Variants in ACYP2 observed in about 807,000 individuals in gnomAD.
ACYP2 encodes the protein acylphosphatase-2.
A neutral mutation model predicts 11.2 loss-of-function variants in ACYP2; 12 were observed. The observed-to-expected ratio is 1.08, with a 90% CI of 0.69 to 1.74. ACYP2 has a LOEUF of 1.74. Among genes scored for constraint, ACYP2 ranks in the 40% most tolerant of loss-of-function variants. The pLI is 0.00. For missense variants in ACYP2, 134 were observed against 101.9 expected (o/e 1.31, Z -1.35); for synonymous variants, 43 against 32.2 (o/e 1.33, Z -1.13).
intron 2 of ACYP2, among the ~76,000 whole-genome samples, chr2:53,988,133 G>C (rs1035590570): frequency 6.6e-6 from 1 of 152,070 alleles, no homozygotes; most frequent in Non-Finnish European, 1.5e-5. Flanking sequence ...GAGAGGCTGA[G>C]GCAGGAGGAT....
At position 54,174,019 on chromosome 2, in the gene ACYP2, T is replaced by C. The variant is rs1218944181; in HGVS notation, c.404+35271T>C. Among the ~76,000 whole-genome samples the C allele has an allele frequency of 6.6e-5, 10 of 152,358 alleles. 1 individual carries two copies. The highest frequency in any genetic ancestry group is 2.4e-4 in the African/African-American group (10 of 41,584). ...AGGATTGTCTTGGCAATGCGGACTC[T>C]TTTTTGGTTCCATATGAACTTTAAA... On this transcript the variant is annotated intron_variant, in intron 6 of 6. Transcript: ENST00000607452.
At chr2:54,137,443 C>T (rs1681315057) in intron 5 of ACYP2, among the ~76,000 whole-genome samples, 1 of 152,134 alleles carries the variant, frequency 6.6e-6, no homozygotes, top group Non-Finnish European at 1.5e-5. Context: ...CACTCTCCAC[C>T]CTCAGGTAGG....
At chr2:54,003,545 C>T (rs1672907188) in intron 2 of ACYP2, among the ~76,000 whole-genome samples, 1 of 152,206 alleles carries the variant, frequency 6.6e-6, no homozygotes, top group Non-Finnish European at 1.5e-5. Flanking sequence ...CAGGCGTGAG[C>T]CACTGTGCCT....
chr2:54,123,168 A>T (rs760591480), intron 4 of ACYP2: 12 of 392,082 alleles, frequency 3.1e-5, no homozygotes, highest in Non-Finnish European at 4.9e-5. Flanking sequence ...GGTAGAAAGT[A>T]GCCAGGAATG....
At chr2:54,096,309 T>C (rs1678574441) in intron 4 of ACYP2, among the ~76,000 whole-genome samples, 2 of 124,944 alleles carry the variant, frequency 1.6e-5, no homozygotes, top group African/African-American at 3.1e-5. Context: ...ACTTCCTAGA[T>C]GGGATGGCGG....
intron 3 of ACYP2, among the ~76,000 whole-genome samples, chr2:54,055,251 G>T (rs1004569252): frequency 2.8e-4 from 43 of 152,210 alleles, no homozygotes; most frequent in African/African-American, 1.0e-3. Context: ...TGGCCAAGCT[G>T]GTCTAGAACT....
At chr2:54,298,566 T>C (rs1046612416) in intron 6 of ACYP2, among the ~76,000 whole-genome samples, 3 of 152,134 alleles carry the variant, frequency 2.0e-5, no homozygotes, top group Non-Finnish European at 4.4e-5. Flanking sequence ...ATTGTAAGCA[T>C]TGCAGGCTAC....
chr2:54,267,180 T>A, intron 6 of ACYP2: 1 of 1,057,622 alleles, frequency 9.5e-7, no homozygotes, highest in East Asian at 2.6e-5. Flanking sequence ...TTCATGTATT[T>A]TTTCATCAAG....
At chr2:54,277,344 T>C (rs1447940909) in intron 6 of ACYP2, among the ~76,000 whole-genome samples, 1 of 152,160 alleles carries the variant, frequency 6.6e-6, no homozygotes, top group Non-Finnish European at 1.5e-5. Flanking sequence ...TTTAATGCAT[T>C]TATATAAACA....
intron 2 of ACYP2, among the ~76,000 whole-genome samples, chr2:53,992,102 C>T (rs1397596460): frequency 1.3e-5 from 2 of 150,308 alleles, no homozygotes; most frequent in Non-Finnish European, 3.0e-5. Context: ...CTTCCTCCTT[C>T]CCTCCCTCCC....
chr2:54,043,072 G>GGTGTGT lies in ACYP2; in HGVS notation c.63-7865_63-7860dup, dbSNP rs58940352. On this transcript the variant is annotated intron_variant, in intron 2 of 6. Coordinates refer to ENST00000607452, the MANE Select transcript of ACYP2 (RefSeq NM_001320586.2). ...CTTGGTTAATATGGGGTGTGTGTGG[G>GGTGTGT]GTGTGTGTGTGTGTGTGTGTGTGTG... Among the ~76,000 whole-genome samples, 77 of 148,988 alleles carry GGTGTGT rather than the reference G, an allele frequency of 5.2e-4. No individual in the cohort carries two copies. In the East Asian group the frequency reaches 0.013, roughly 25 times the overall value.
chr2:54,287,814 G>C (rs843727), intron 6 of ACYP2, among the ~76,000 whole-genome samples: 89,242 of 151,708 alleles, frequency 0.59, 27,497 homozygotes, highest in African/African-American at 0.76. Flanking sequence ...CAAAGATGAG[G>C]TTTCCCTGTT....
chr2:54,303,243 T>C (rs1414667468), intron 6 of ACYP2, among the ~76,000 whole-genome samples: 1 of 152,054 alleles, frequency 6.6e-6, no homozygotes, highest in Non-Finnish European at 1.5e-5. Context: ...CCCAGCTACC[T>C]GGGGTACTGA....
At chr2:54,085,060 C>T (rs1677878618) in intron 4 of ACYP2, 1 of 152,132 alleles carries the variant, frequency 6.6e-6, no homozygotes, top group Non-Finnish European at 1.5e-5. Flanking sequence ...TACAGCAAGT[C>T]CTCAAATAAG....
At chr2:54,127,154 A>T (rs972065744) in intron 4 of ACYP2, among the ~76,000 whole-genome samples, 4 of 134,206 alleles carry the variant, frequency 3.0e-5, no homozygotes, top group Non-Finnish European at 4.6e-5. Flanking sequence ...TTACATCCGT[A>T]TTCTACATGG....
chr2:54,108,630 T>TC (rs761315209), intron 4 of ACYP2, among the ~76,000 whole-genome samples: 8 of 151,874 alleles, frequency 5.3e-5, no homozygotes, highest in African/African-American at 1.4e-4. Flanking sequence ...TGGCCCTTTT[T>TC]CCCCCGAGTT....
At chr2:54,104,102 G>C (rs1372379411) in intron 4 of ACYP2, among the ~76,000 whole-genome samples, 1 of 152,172 alleles carries the variant, frequency 6.6e-6, no homozygotes, top group Non-Finnish European at 1.5e-5. Context: ...TAGAGACTTG[G>C]TACTTAAAAT....
Position 54,294,470 on chromosome 2 carries a change from C to T in ACYP2, c.405-10218C>T, listed in dbSNP as rs575716055. ...GTACAACTGGAGAAGCAAGAGGGCT[C>T]GGTGGGATGGTATCTGCAGGTAGAC... On this transcript the variant is annotated intron_variant, in intron 6 of 6. Coordinates refer to ENST00000607452, the MANE Select transcript of ACYP2 (RefSeq NM_001320586.2). Among the ~76,000 whole-genome samples the T allele has an allele frequency of 2.0e-5, 3 of 152,170 alleles. No homozygotes were observed. The East Asian group carries it at 5.8e-4, about 29-fold the overall frequency.
chr2:54,054,414 G>A (rs1676015961), intron 3 of ACYP2, among the ~76,000 whole-genome samples: 1 of 152,150 alleles, frequency 6.6e-6, no homozygotes, highest in African/African-American at 2.4e-5. Flanking sequence ...AATTTCCTGG[G>A]TCTGAAAAGG....
Sources: allele counts gnomAD v4.1 joint callset (sites outside exome capture counted in the v4.1 genomes callset), GRCh38; gene constraint gnomAD v4.1.1; transcripts MANE v1.5; gene names NCBI Gene and HGNC (gene_info 2026-07-23, HGNC 2026-07-21).